TACC2: variants seen among roughly 807,000 people sequenced by gnomAD.
TACC2 encodes the protein transforming acidic coiled-coil containing protein 2, also known as transforming acidic coiled-coil-containing protein 2.
Under a neutral mutation model 227.3 loss-of-function variants are expected in TACC2, and 137 were observed. That is an observed-to-expected ratio of 0.60 (90% CI 0.52 to 0.69). The LOEUF (loss-of-function observed/expected upper bound fraction) is 0.69, where lower values mean the gene tolerates loss of function less well. Ranked by LOEUF, TACC2 falls within the 30% of genes least tolerant of loss-of-function variation. The pLI, the probability that TACC2 is intolerant of heterozygous loss-of-function variation, is 0.00. For missense variants in TACC2, 3,470 were observed against 3,694.4 expected, an observed-to-expected ratio of 0.94 and a Z score of 1.57; for synonymous variants, 1,523 against 1,487.5, an observed-to-expected ratio of 1.02 and a Z score of -0.55.
chr10:122,188,332 T>A (rs1405254222), intron 7 of TACC2, among the ~76,000 whole-genome samples: 2 of 152,176 alleles, frequency 1.3e-5, no homozygotes, highest in Admixed American at 1.3e-4. Context: ...CAGGCTGGAG[T>A]GCAGTGGTGT....
chr10:122,220,038 C>CA (rs1238298687), intron 11 of TACC2, among the ~76,000 whole-genome samples: 3,653 of 95,816 alleles, frequency 0.038, 113 homozygotes, highest in African/African-American at 0.11. Context: ...ACTCTGTCTC[C>CA]AAAAAAAAAA....
intron 10 of TACC2, 67 bp from the exon 11 acceptor site, chr10:122,216,560 T>C (rs2095411242): frequency 3.9e-6 from 6 of 1,539,910 alleles, no homozygotes; most frequent in Non-Finnish European, 5.3e-6. Flanking sequence ...TCCCCAGACC[T>C]GAGGGTGGGC....
rs2090533759 is a variant in TACC2 at position 122,141,458 on chromosome 10, G to A, written c.5700-2114G>A. On this transcript the variant is annotated intron_variant, in intron 6 of 22. Coordinates refer to ENST00000369005, the MANE Select transcript of TACC2 (RefSeq NM_206862.4). This position sits in a 1 kb window ranked among gnomAD's most constrained non-coding sequence, Gnocchi z 4.3. ...GCAGTTGGGACCAACAGAAGGAAGG[G>A]AGGAGGGAGCAGCCAGGTGGCCCCT... Among the ~76,000 whole-genome samples, 1 of 152,182 alleles carries A rather than the reference G, an allele frequency of 6.6e-6. No homozygotes were observed. The highest frequency in any genetic ancestry group is 1.5e-5 in the Non-Finnish European group (1 of 68,034).
At position 122,085,890 on chromosome 10, in the gene TACC2, T is replaced by C; in HGVS notation, c.3390T>C (p.Ala1130=). The C allele has an allele frequency of 6.2e-7, 1 of 1,613,366 alleles. No individual in the cohort carries two copies. The highest frequency in any genetic ancestry group is 8.5e-7 in the Non-Finnish European group (1 of 1,179,674). The change falls in exon 4 of 23, where the codon GCT becomes GCC. Residue 1130 remains alanine, a synonymous_variant. Transcript: ENST00000369005. ...AGEQGGEAGA[A]ETGGSAGAGD... is the part of the protein sequence containing the mutation. ...AGCAAGGTGGTGAAGCCGGGGCTGC[T>C]GAGACTGGTGGCAGCGCTGGTGCAG...
intron 6 of TACC2, 134 bp downstream of exon 6, chr10:122,132,868 AGGGTGTG>A: frequency 1.1e-6 from 1 of 876,468 alleles, no homozygotes; most frequent in Non-Finnish European, 1.8e-6. Context: ...ACACACACAC[AGGGTGTG>A]CACACCTGTC....
At chr10:122,199,724 G>C (rs2094715298) in intron 8 of TACC2, among the ~76,000 whole-genome samples, 2 of 152,190 alleles carry the variant, frequency 1.3e-5, no homozygotes, top group Admixed American at 6.5e-5. Context: ...CGTAACCATA[G>C]ACCAGGTACC....
At chr10:122,090,219 G>GT (rs1360216542) in intron 5 of TACC2, among the ~76,000 whole-genome samples, 2 of 151,900 alleles carry the variant, frequency 1.3e-5, no homozygotes, top group East Asian at 3.9e-4. Flanking sequence ...ATAAATTATA[G>GT]TTTTTTCCAG....
chr10:122,120,030 G>T (rs2085432310), intron 5 of TACC2, among the ~76,000 whole-genome samples: 1 of 152,192 alleles, frequency 6.6e-6, no homozygotes, highest in South Asian at 2.1e-4. Context: ...GTAAAATTCG[G>T]TCCTTGGGCT....
intron 2 of TACC2, among the ~76,000 whole-genome samples, chr10:122,046,366 C>T (rs1004368862): frequency 3.3e-5 from 5 of 151,846 alleles, no homozygotes; most frequent in Admixed American, 1.3e-4. Context: ...CCCAGCTGCT[C>T]GGGAGGCTGA....
chr10:122,038,290 CACAA>C (rs1285346387), intron 2 of TACC2, among the ~76,000 whole-genome samples: 1 of 152,120 alleles, frequency 6.6e-6, no homozygotes, highest in Non-Finnish European at 1.5e-5. Flanking sequence ...TAAACAAACA[CACAA>C]ACCAAAAAAC....
chr10:122,156,624 G>A (rs2092500190), intron 7 of TACC2, among the ~76,000 whole-genome samples: 2 of 152,194 alleles, frequency 1.3e-5, no homozygotes, highest in South Asian at 4.1e-4. Context: ...TCCTGGCTGA[G>A]TTTCTCTTCT....
At chr10:122,116,605 T>A (rs1251808331) in intron 5 of TACC2, among the ~76,000 whole-genome samples, 1 of 152,210 alleles carries the variant, frequency 6.6e-6, no homozygotes, top group Non-Finnish European at 1.5e-5. Flanking sequence ...AGTGAAGTCA[T>A]GCACATGAAT....
chr10:122,249,275 T>C, intron 21 of TACC2, 119 bp downstream of exon 21: 1 of 777,678 alleles, frequency 1.3e-6, no homozygotes, highest in South Asian at 1.7e-5. Context: ...ATCATCCAAG[T>C]GTGTGTTTCA....
At chr10:122,215,341 G>A in intron 9 of TACC2, 50 bp from the exon 10 acceptor site, 1 of 1,540,048 alleles carries the variant, frequency 6.5e-7, no homozygotes, top group Non-Finnish European at 9.0e-7. Flanking sequence ...CTGCTCTGGA[G>A]TGTTCCGTCC....
intron 3 of TACC2, among the ~76,000 whole-genome samples, chr10:122,074,227 C>G (rs533301259): frequency 1.3e-5 from 2 of 152,002 alleles, no homozygotes; most frequent in East Asian, 3.9e-4. Flanking sequence ...ACTACAGGTG[C>G]CTGCCAACTT....
intron 5 of TACC2, among the ~76,000 whole-genome samples, chr10:122,130,814 C>T (rs578166574): frequency 4.4e-4 from 67 of 152,240 alleles, no homozygotes; most frequent in African/African-American, 1.6e-3. Flanking sequence ...GCCATCTATA[C>T]GCACTTAGAA....
chr10:122,053,139 T>C (rs1441426683), intron 3 of TACC2, among the ~76,000 whole-genome samples: 1 of 152,122 alleles, frequency 6.6e-6, no homozygotes, highest in African/African-American at 2.4e-5. Context: ...TACCCAAGAC[T>C]GGGCAATTTA....
In TACC2 at chr10:122,211,597, C is replaced by T. The variant is rs764912468; in HGVS notation, c.7172C>T (p.Pro2391Leu). Residue 2391 changes from proline (P) to leucine (L), a missense_variant, in exon 9 of 23, where the codon CCT becomes CTT. By Grantham distance (98) the Pro-to-Leu change is moderately conservative. Transcript: ENST00000369005. ...ACATCCTCTAAGACCCCCAGCTCAC[C>T]TTCTAAATCCCCAGCCTCCTTTGAG... is the stretch of plus-strand genomic sequence containing the variant. The part of the protein sequence containing the change: ...FKTSSKTPSS[P>L]SKSPASFEIP... The T allele has an allele frequency of 2.0e-5, 32 of 1,613,898 alleles. No homozygotes were observed. In the Admixed American group the frequency reaches 2.7e-4, roughly 13 times the overall value.
intron 7 of TACC2, among the ~76,000 whole-genome samples, chr10:122,168,062 TTTTTTTTTTTA>T (rs2093283390): frequency 5.2e-5 from 3 of 57,200 alleles, no homozygotes; most frequent in South Asian, 4.1e-4. Context: ...TTTTTTTTTT[TTTTTTTTTTTA>T]AATAATTTTT....
Sources: gnomAD v4.1 joint callset for allele counts (sites outside exome capture counted in the v4.1 genomes callset) on GRCh38, gnomAD v4.1.1 for gene constraint, Gnocchi (gnomAD v3.1) non-coding constraint, MANE v1.5 for transcripts, NCBI Gene and HGNC (gene_info 2026-07-23, HGNC 2026-07-21) for gene names.